ERBB4: variants seen among roughly 807,000 people sequenced by gnomAD.
The protein encoded by ERBB4 is erb-b2 receptor tyrosine kinase 4, also known as receptor tyrosine-protein kinase erbB-4.
In ERBB4, 42 loss-of-function variants were observed where a neutral mutation model predicts 158.0. That is an observed-to-expected ratio of 0.27 (90% confidence interval 0.21 to 0.34). ERBB4 has a LOEUF of 0.34. Among genes scored for constraint, ERBB4 ranks in the 10% least tolerant of loss-of-function variants. The pLI is 1.00. For synonymous variants in ERBB4, 583 were observed against 558.7 expected, an observed-to-expected ratio of 1.04 and a Z score of -0.61; for missense variants, 1,333 against 1,624.1, an observed-to-expected ratio of 0.82 and a Z score of 3.08.
chr2:212,398,445 C>T (rs1311285075), intron 1 of ERBB4, among the ~76,000 whole-genome samples: 1 of 152,014 alleles, frequency 6.6e-6, no homozygotes, highest in Non-Finnish European at 1.5e-5. Context: ...AATTTTATGG[C>T]TATACAAGAT....
chr2:212,298,077 C>T (rs1379667923), intron 1 of ERBB4, among the ~76,000 whole-genome samples: 1 of 151,656 alleles, frequency 6.6e-6, no homozygotes, highest in Non-Finnish European at 1.5e-5. Flanking sequence ...TATCTTACTA[C>T]AATTTGTTTT....
chr2:211,753,852 T>C (rs1023650529), intron 4 of ERBB4, among the ~76,000 whole-genome samples: 6 of 139,170 alleles, frequency 4.3e-5, no homozygotes, highest in African/African-American at 1.6e-4. Context: ...TCAAAAGTCC[T>C]GATTTTTTTT....
intron 3 of ERBB4, among the ~76,000 whole-genome samples, chr2:211,845,975 AAAAG>A (rs1325561449): frequency 2.6e-5 from 4 of 152,152 alleles, no homozygotes; most frequent in African/African-American, 9.7e-5. Flanking sequence ...TTAAGAAACG[AAAAG>A]AAAGAGAAAG....
At chr2:212,041,361 A>G (rs1426488958) in intron 2 of ERBB4, among the ~76,000 whole-genome samples, 1 of 152,022 alleles carries the variant, frequency 6.6e-6, no homozygotes, top group Admixed American at 6.6e-5. Flanking sequence ...AATTCAGGTT[A>G]CCCATTGGTA....
chr2:212,249,892 A>C (rs2084466046), intron 1 of ERBB4, among the ~76,000 whole-genome samples: 1 of 152,044 alleles, frequency 6.6e-6, no homozygotes, highest in South Asian at 2.1e-4. Context: ...GAATATAGTA[A>C]AGAAGCTTGA....
chr2:212,056,003 C>A (rs2077554797), intron 2 of ERBB4, among the ~76,000 whole-genome samples: 1 of 152,130 alleles, frequency 6.6e-6, no homozygotes, highest in Non-Finnish European at 1.5e-5. Flanking sequence ...AAGTCTGAAC[C>A]CATCGCAAAG....
intron 3 of ERBB4, among the ~76,000 whole-genome samples, chr2:211,886,657 T>C (rs1231529323): frequency 1.3e-5 from 2 of 152,204 alleles, no homozygotes; most frequent in South Asian, 2.1e-4. Context: ...GGGACGGCTA[T>C]GCTGTAATTA....
chr2:212,431,786 A>C (rs1385913704), intron 1 of ERBB4, among the ~76,000 whole-genome samples: 2 of 152,160 alleles, frequency 1.3e-5, no homozygotes, highest in African/African-American at 4.8e-5. Context: ...ATTAGTCTGC[A>C]CCATGCTTTC....
rs546293749 is a variant in ERBB4 at position 211,971,597 on chromosome 2, G to A, written c.235-23981C>T. 4.6e-5 allele frequency among the ~76,000 whole-genome samples: 7 copies of A among 151,884 alleles called. No homozygotes were observed. The East Asian group carries it at 9.7e-4, about 21-fold the overall frequency. ...ATACCAAAATCTGGCAGAGACACAC[G>A]CAAAAAAGAAAACTTCAGGTCAATA... On this transcript the variant is annotated intron_variant, in intron 2 of 27. Transcript: ENST00000342788.
intron 1 of ERBB4, among the ~76,000 whole-genome samples, chr2:212,272,209 CA>C (rs1289420012): frequency 4.6e-5 from 7 of 151,396 alleles, no homozygotes; most frequent in Non-Finnish European, 1.0e-4. Context: ...CACATTTTGC[CA>C]AAAAGGTATT....
At chr2:212,164,976 T>TTTTTTTTTTTTTTTTTTTTTGAGACGG (rs2081304709) in intron 1 of ERBB4, among the ~76,000 whole-genome samples, 1 of 151,886 alleles carries the variant, frequency 6.6e-6, no homozygotes, top group African/African-American at 2.4e-5. Context: ...TTCGCATTTT[T>TTTTTTTTTTTTTTTTTTTTTGAGACGG]AATTGTCAAG....
chr2:211,948,323 C>G (rs2080762528), intron 2 of ERBB4, among the ~76,000 whole-genome samples: 1 of 150,596 alleles, frequency 6.6e-6, no homozygotes, highest in South Asian at 2.1e-4. Context: ...GTAGTCCCAG[C>G]TACTTGGGAG....
At chr2:211,613,918 G>C (rs2069290508) in intron 19 of ERBB4, among the ~76,000 whole-genome samples, 1 of 152,038 alleles carries the variant, frequency 6.6e-6, no homozygotes, top group Admixed American at 6.6e-5. Context: ...CCACTGCTGG[G>C]TATATACGCA....
chr2:212,176,925 T>C (rs1395319233), intron 1 of ERBB4, among the ~76,000 whole-genome samples: 1 of 151,972 alleles, frequency 6.6e-6, no homozygotes, highest in East Asian at 1.9e-4. Context: ...GTTATGAAGA[T>C]CTTTGAGATA....
At chr2:212,288,553 G>GC (rs1318730129) in intron 1 of ERBB4, among the ~76,000 whole-genome samples, 2 of 152,060 alleles carry the variant, frequency 1.3e-5, no homozygotes, top group Admixed American at 1.3e-4. Context: ...TCCTGTTGCA[G>GC]CATAGTAACC....
chr2:211,822,772 T>C (rs1177383425), intron 3 of ERBB4, among the ~76,000 whole-genome samples: 1 of 152,042 alleles, frequency 6.6e-6, no homozygotes, highest in Non-Finnish European at 1.5e-5. Context: ...AATCGAATCA[T>C]TAGCCACAAC....
Position 212,440,771 on chromosome 2 carries a change from G to A in ERBB4, c.82+97678C>T, listed in dbSNP as rs187782788. ...AACACTCCTGATTCACCACTCGTGAGAGGCAAAGAGTTTAGTGACTCTATA... is the reference window on the plus strand; with the variant it reads ...AACACTCCTGATTCACCACTCGTGAAAGGCAAAGAGTTTAGTGACTCTATA... On this transcript the variant is annotated intron_variant, in intron 1 of 27. Transcript: ENST00000342788. 3.9e-5 allele frequency among the ~76,000 whole-genome samples: 6 copies of A among 152,338 alleles called. No individual in the cohort carries two copies. In the East Asian group the frequency reaches 1.2e-3, roughly 29 times the overall value.
At chr2:212,069,656 TTA>T (rs1376728187) in intron 2 of ERBB4, among the ~76,000 whole-genome samples, 1 of 152,080 alleles carries the variant, frequency 6.6e-6, no homozygotes, top group East Asian at 1.9e-4. Flanking sequence ...TGAAATGATC[TTA>T]TATAAACATT....
intron 2 of ERBB4, among the ~76,000 whole-genome samples, chr2:211,967,864 T>C (rs1218636704): frequency 6.6e-6 from 1 of 151,932 alleles, no homozygotes; most frequent in African/African-American, 2.4e-5. Flanking sequence ...ATATCCTTTT[T>C]GAACAGTATG....
Sources: gnomAD v4.1 joint callset for allele counts (sites outside exome capture counted in the v4.1 genomes callset) on GRCh38, gnomAD v4.1.1 for gene constraint, MANE v1.5 for transcripts, NCBI Gene and HGNC (gene_info 2026-07-23, HGNC 2026-07-21) for gene names.